The following PTPRG variants were observed in gnomAD, a reference collection of about 807,000 sequenced individuals.
The protein encoded by PTPRG is receptor-type tyrosine-protein phosphatase gamma.
PTPRG carries 102 observed loss-of-function variants against 165.3 expected under a neutral mutation model. That is an observed-to-expected ratio of 0.62 (90% CI 0.53 to 0.73). PTPRG has a LOEUF of 0.73. PTPRG is among the 30% of genes least tolerant of loss of function. PTPRG has a pLI of 0.00. For missense variants in PTPRG, 1,866 were observed against 1,861.4 expected (o/e 1.00, Z -0.05); for synonymous variants, 675 against 669.5 (o/e 1.01, Z -0.13).
intron 12 of PTPRG, among the ~76,000 whole-genome samples, chr3:62,215,936 T>C (rs1299488719): frequency 1.3e-5 from 2 of 152,162 alleles, no homozygotes; most frequent in Non-Finnish European, 2.9e-5. Context: ...GGCTGAAATA[T>C]GCTGGGCGCG....
chr3:61,629,287 T>C (rs1701701048), intron 1 of PTPRG, among the ~76,000 whole-genome samples: 1 of 152,158 alleles, frequency 6.6e-6, no homozygotes, highest in Non-Finnish European at 1.5e-5. Context: ...CCTGAGTAGC[T>C]GGGATTACAG....
intron 1 of PTPRG, among the ~76,000 whole-genome samples, chr3:61,671,663 G>C (rs1450935735): frequency 1.5e-4 from 21 of 144,202 alleles, no homozygotes; most frequent in South Asian, 4.5e-4. Context: ...GGTACACCTC[G>C]CAGACGGGGT....
intron 5 of PTPRG, among the ~76,000 whole-genome samples, chr3:62,099,272 T>A (rs1055698425): frequency 1.3e-5 from 2 of 152,224 alleles, no homozygotes; most frequent in African/African-American, 4.8e-5. Flanking sequence ...TTAATTCTGG[T>A]GTAAGCAAGC....
intron 7 of PTPRG, among the ~76,000 whole-genome samples, chr3:62,161,792 A>G (rs1327681146): frequency 6.6e-6 from 1 of 152,164 alleles, no homozygotes; most frequent in Non-Finnish European, 1.5e-5. Flanking sequence ...AAAATTTCGG[A>G]TGCTCCAGGC....
chr3:61,651,331 G>C (rs1347134213), intron 1 of PTPRG, among the ~76,000 whole-genome samples: 1 of 149,586 alleles, frequency 6.7e-6, no homozygotes, highest in Non-Finnish European at 1.5e-5. Flanking sequence ...AAAGAAAAAA[G>C]TTGTCGTTGA....
At chr3:62,080,551 A>G (rs1575977278) in intron 5 of PTPRG, among the ~76,000 whole-genome samples, 1 of 152,124 alleles carries the variant, frequency 6.6e-6, no homozygotes, top group Non-Finnish European at 1.5e-5. Flanking sequence ...CGTCAGATGC[A>G]CCCTCGCTTC....
chr3:61,821,926 C>T (rs2035969367), intron 2 of PTPRG, among the ~76,000 whole-genome samples: 1 of 152,230 alleles, frequency 6.6e-6, no homozygotes, highest in African/African-American at 2.4e-5. Context: ...ACTGGGCAGG[C>T]TCTGCCAAGT....
At chr3:62,230,540 T>C (rs1159757803) in intron 13 of PTPRG, among the ~76,000 whole-genome samples, 6 of 152,230 alleles carry the variant, frequency 3.9e-5, no homozygotes, top group Non-Finnish European at 8.8e-5. Context: ...TCAAGTGTTC[T>C]TGTGTGACAG....
chr3:61,905,169 A>G (rs58760231), intron 2 of PTPRG, among the ~76,000 whole-genome samples: 4,939 of 152,276 alleles, frequency 0.032, 283 homozygotes, highest in African/African-American at 0.11. Context: ...CTGCCGATAC[A>G]GGTTATATTA....
Position 61,918,995 on chromosome 3 carries a change from C to T in PTPRG, c.191-70630C>T, listed in dbSNP as rs190459397. On this transcript the variant is annotated intron_variant, in intron 2 of 29. Transcript: ENST00000474889. ...CGGTGGTTGTGAGGGTGGGACTAGG[C>T]AATCTCTGTAGTCCCTTCCCACAGT... is the stretch of plus-strand genomic sequence containing the variant. Among the ~76,000 whole-genome samples the T allele has an allele frequency of 5.3e-5, 8 of 152,304 alleles. No individual in the cohort carries two copies. In the East Asian group the frequency reaches 1.5e-3, roughly 29 times the overall value.
chr3:61,779,977 T>C (rs1244397591), intron 2 of PTPRG, among the ~76,000 whole-genome samples: 2 of 152,192 alleles, frequency 1.3e-5, no homozygotes, highest in Non-Finnish European at 2.9e-5. Flanking sequence ...TATTGTTTCC[T>C]GGGTCACCTC....
At chr3:62,135,117 T>C (rs1703657957) in intron 6 of PTPRG, among the ~76,000 whole-genome samples, 1 of 151,102 alleles carries the variant, frequency 6.6e-6, no homozygotes, top group Non-Finnish European at 1.5e-5. Flanking sequence ...TACAAAAAAA[T>C]ACAAAAATTA....
In PTPRG at chr3:61,562,381, C is replaced by G; in HGVS notation, c.85+9C>G. The G allele has an allele frequency of 6.2e-7, 1 of 1,612,930 alleles. No individual in the cohort carries two copies. The highest frequency in any genetic ancestry group is 8.5e-7 in the Non-Finnish European group (1 of 1,179,286). On this transcript the variant is annotated intron_variant, in intron 1 of 29. Coordinates refer to ENST00000474889, the MANE Select transcript of PTPRG (RefSeq NM_002841.4). ...TGTCGTGTGCTTCCCCGGTGAGTGC[C>G]GGCCGCCGAGGGGATGCGGCCCCGG...
rs781215995 is a variant in PTPRG, at chr3:62,222,631, TGAAGCCGAACAAGG to T, written c.2288+3651_2288+3664del. Among the ~76,000 whole-genome samples the T allele has an allele frequency of 5.9e-5, 9 of 152,218 alleles. No individual in the cohort carries two copies. Among genetic ancestry groups the T allele is most frequent in the Non-Finnish European group, 1.2e-4 (8 of 68,034 alleles). ...TACCATTGCCATCAAAACCTTGGAC[TGAAGCCGAACAAGG>T]GATGGCTTTCCAAAGGACCATCAAG... On this transcript the variant is annotated intron_variant, in intron 13 of 29. Transcript: ENST00000474889. The surrounding 1 kb of genome is among the most constrained non-coding windows in gnomAD (Gnocchi z 4.5).
chr3:61,643,066 C>G, intron 1 of PTPRG, among the ~76,000 whole-genome samples: 1 of 152,074 alleles, frequency 6.6e-6, no homozygotes, highest in East Asian at 1.9e-4. Context: ...CCAGACTGAC[C>G]AAAGGTCTGC....
intron 28 of PTPRG, among the ~76,000 whole-genome samples, chr3:62,290,978 C>T (rs963823864): frequency 2.0e-5 from 3 of 151,808 alleles, no homozygotes; most frequent in Non-Finnish European, 2.9e-5. Context: ...AGAAACAGAT[C>T]GGGGGGCAAA....
At chr3:61,994,709 GAACA>G (rs758333651) in intron 3 of PTPRG, among the ~76,000 whole-genome samples, 3 of 152,124 alleles carry the variant, frequency 2.0e-5, no homozygotes, top group Non-Finnish European at 4.4e-5. Context: ...GCTAAATAAT[GAACA>G]AACTAATTGC....
Position 62,296,428 on chromosome 3 carries a change from T to A in PTPRG, c.*3121T>A, listed in dbSNP as rs1703065715. ...GAATTTTTCTTAAATGCATATATAC[T>A]GTATTTAAAATTAAAATATAGATAC... On this transcript the variant is annotated 3_prime_UTR_variant, in exon 30 of 30. Transcript: ENST00000474889. 6.6e-6 allele frequency: 1 copy of A among 151,936 alleles called. No homozygotes were observed. The highest frequency in any genetic ancestry group is 2.4e-5 in the African/African-American group (1 of 41,384). 9.4% of individuals were successfully genotyped at this position (151,936 alleles called of 1,614,324 possible). A position where few individuals can be genotyped will look rare whatever the true frequency, so the allele number is the denominator to read the frequency against.
intron 7 of PTPRG, among the ~76,000 whole-genome samples, chr3:62,163,398 A>C (rs924204155): frequency 1.3e-5 from 2 of 152,220 alleles, no homozygotes; most frequent in Non-Finnish European, 2.9e-5. Flanking sequence ...TCTCAGCACA[A>C]TGCCTTGCAT....
Sources: gnomAD v4.1 joint callset for allele counts (sites outside exome capture counted in the v4.1 genomes callset) on GRCh38, gnomAD v4.1.1 for gene constraint, Gnocchi (gnomAD v3.1) non-coding constraint, MANE v1.5 for transcripts, NCBI Gene and HGNC (gene_info 2026-07-23, HGNC 2026-07-21) for gene names.